SCAPER: variants seen among roughly 807,000 people sequenced by gnomAD.
The protein encoded by SCAPER is S-phase cyclin A associated protein in the ER.
SCAPER carries 98 observed loss-of-function variants against 182.2 expected under a neutral mutation model. The observed-to-expected ratio is 0.54, with a 90% CI of 0.46 to 0.64. The LOEUF (loss-of-function observed/expected upper bound fraction) is 0.64. Among genes scored for constraint, SCAPER ranks in the 30% least tolerant of loss-of-function variants. The probability of loss-of-function intolerance (pLI) is 0.00; values close to 1 mark genes in which losing one functional copy is unlikely to be tolerated. For synonymous variants in SCAPER, 605 were observed against 564.6 expected (o/e 1.07, Z -1.01); for missense variants, 1,432 against 1,690.0 (o/e 0.85, Z 2.68).
chr15:76,612,072 T>C (rs1257816833), intron 22 of SCAPER, among the ~76,000 whole-genome samples: 3 of 152,248 alleles, frequency 2.0e-5, no homozygotes, highest in South Asian at 2.1e-4. Flanking sequence ...CTATTCAACA[T>C]AGTACTGGAA....
chr15:76,428,764 A>G (rs1654394210), intron 26 of SCAPER, among the ~76,000 whole-genome samples: 3 of 151,130 alleles, frequency 2.0e-5, no homozygotes, highest in Admixed American at 2.0e-4. Flanking sequence ...AAAGTGTTGT[A>G]TATTACAAAA....
intron 24 of SCAPER, among the ~76,000 whole-genome samples, chr15:76,500,229 C>A (rs1285375335): frequency 1.3e-5 from 2 of 152,170 alleles, no homozygotes; most frequent in African/African-American, 4.8e-5. Context: ...GATGAATGTA[C>A]TTCTGTATGA....
At chr15:76,439,138 T>G (rs2047393667) in intron 25 of SCAPER, among the ~76,000 whole-genome samples, 1 of 152,028 alleles carries the variant, frequency 6.6e-6, no homozygotes, top group East Asian at 1.9e-4. Context: ...CAGGCTAGTG[T>G]GCAGTGGTGC....
chr15:76,698,025 T>C (rs531374631), intron 20 of SCAPER, among the ~76,000 whole-genome samples: 3 of 152,158 alleles, frequency 2.0e-5, no homozygotes, highest in Admixed American at 6.5e-5. Context: ...TTTTTAAAAG[T>C]AGAGTACACA....
intron 22 of SCAPER, among the ~76,000 whole-genome samples, chr15:76,575,999 A>G (rs914216250): frequency 7.9e-5 from 12 of 152,240 alleles, no homozygotes; most frequent in African/African-American, 2.9e-4. Flanking sequence ...CTACTTTTAC[A>G]TAAGTACACT....
intron 27 of SCAPER, chr15:76,385,392 T>G (rs1402326553): frequency 1.3e-5 from 2 of 152,264 alleles, no homozygotes; most frequent in Non-Finnish European, 2.9e-5. Context: ...TGATCTTCAG[T>G]GCAGGTGATC....
intron 22 of SCAPER, among the ~76,000 whole-genome samples, chr15:76,601,067 T>G (rs1291992656): frequency 1.6e-5 from 2 of 122,038 alleles, no homozygotes; most frequent in African/African-American, 5.0e-5. Flanking sequence ...AATGTTAATG[T>G]GGATACACAG....
intron 22 of SCAPER, among the ~76,000 whole-genome samples, chr15:76,607,810 G>A (rs1020876898): frequency 6.6e-6 from 1 of 151,866 alleles, no homozygotes; most frequent in Non-Finnish European, 1.5e-5. Context: ...TGATCGCATC[G>A]GCTACTGAGG....
At chr15:76,788,751 T>A (rs944075268) in intron 8 of SCAPER, among the ~76,000 whole-genome samples, 7 of 152,234 alleles carry the variant, frequency 4.6e-5, no homozygotes, top group African/African-American at 1.7e-4. Flanking sequence ...ATTATGAAAG[T>A]TCTCAAATAC....
intron 15 of SCAPER, among the ~76,000 whole-genome samples, chr15:76,734,457 C>A (rs1432902503): frequency 1.3e-5 from 2 of 152,192 alleles, no homozygotes; most frequent in African/African-American, 2.4e-5. Context: ...TTTTATAAAT[C>A]TCAGAAAAGT....
intron 3 of SCAPER, among the ~76,000 whole-genome samples, chr15:76,861,418 A>G (rs2071854476): frequency 6.6e-6 from 1 of 152,146 alleles, no homozygotes; most frequent in South Asian, 2.1e-4. Context: ...CCTACTAAAA[A>G]CACCTACCTG....
At chr15:76,405,187 C>G (rs1463386280) in intron 26 of SCAPER, among the ~76,000 whole-genome samples, 1 of 147,910 alleles carries the variant, frequency 6.8e-6, no homozygotes, top group Admixed American at 6.8e-5. Context: ...GATCATAGCT[C>G]ACTACAACTC....
chr15:76,643,664 A>G (rs1291911892), intron 21 of SCAPER, among the ~76,000 whole-genome samples: 1 of 152,200 alleles, frequency 6.6e-6, no homozygotes, highest in African/African-American at 2.4e-5. Flanking sequence ...CCCAGGTGAC[A>G]GGGCGAAACT....
At chr15:76,829,312 G>C (rs551169456) in intron 5 of SCAPER, among the ~76,000 whole-genome samples, 1 of 152,216 alleles carries the variant, frequency 6.6e-6, no homozygotes, top group Admixed American at 6.5e-5. Flanking sequence ...AGGAAAGGTG[G>C]GAGGGGACAC....
chr15:76,383,102 A>G (rs1441352554), intron 27 of SCAPER, among the ~76,000 whole-genome samples: 2 of 11,468 alleles, frequency 1.7e-4, no homozygotes, highest in Non-Finnish European at 4.7e-4. Context: ...GTGTGTGTGT[A>G]AATACACACA....
chr15:76,796,585 C>CA (rs772676973), intron 7 of SCAPER, among the ~76,000 whole-genome samples: 4 of 152,158 alleles, frequency 2.6e-5, no homozygotes, highest in Non-Finnish European at 4.4e-5. Context: ...CAAGCTGAAA[C>CA]AGTGTGTTCT....
intron 23 of SCAPER, among the ~76,000 whole-genome samples, chr15:76,533,435 T>C (rs946122771): frequency 1.3e-5 from 2 of 152,124 alleles, no homozygotes. Flanking sequence ...TTCAGCATAG[T>C]ATTCAGTACA....
chr15:76,896,321 T>A (rs566763581), intron 1 of SCAPER, among the ~76,000 whole-genome samples: 28 of 151,010 alleles, frequency 1.9e-4, no homozygotes, highest in African/African-American at 6.8e-4. Flanking sequence ...CAGTGAGTTG[T>A]GATCACACCA....
intron 20 of SCAPER, among the ~76,000 whole-genome samples, chr15:76,671,975 A>T (rs901071076): frequency 1.3e-5 from 2 of 152,152 alleles, no homozygotes; most frequent in Non-Finnish European, 2.9e-5. Flanking sequence ...GGCGACTTCA[A>T]TAGGAGGTGA....
Sources: allele counts gnomAD v4.1 joint callset (sites outside exome capture counted in the v4.1 genomes callset), GRCh38; gene constraint gnomAD v4.1.1; transcripts MANE v1.5; gene names NCBI Gene and HGNC (gene_info 2026-07-23, HGNC 2026-07-21).